LTBP1: variants seen among roughly 807,000 people sequenced by gnomAD.
The protein encoded by LTBP1 is latent transforming growth factor beta binding protein 1.
A neutral mutation model predicts 207.6 loss-of-function variants in LTBP1; 129 were observed. The ratio of observed to expected loss-of-function variants is 0.62; its 90% confidence interval spans 0.54 to 0.72. The LOEUF (loss-of-function observed/expected upper bound fraction) is 0.72. LTBP1 is among the 30% of genes least tolerant of loss of function. The pLI is 0.00. For missense variants in LTBP1, 2,281 were observed against 2,217.2 expected (o/e 1.03, Z -0.58); for synonymous variants, 963 against 833.7 (o/e 1.16, Z -2.67).
At chr2:33,242,677 GTTGTT>G (rs2092373359) in intron 9 of LTBP1, among the ~76,000 whole-genome samples, 1 of 122,034 alleles carries the variant, frequency 8.2e-6, no homozygotes. Context: ...TGCATTTTCA[GTTGTT>G]CTTAAAAAAA....
intron 5 of LTBP1, among the ~76,000 whole-genome samples, chr2:33,160,952 A>G (rs1359817059): frequency 1.3e-5 from 2 of 152,212 alleles, no homozygotes; most frequent in Non-Finnish European, 2.9e-5. Flanking sequence ...AGTTATCTCA[A>G]TGAAGACTGG....
chr2:33,103,632 T>TGTGTG lies in LTBP1; in HGVS notation c.864-6950_864-6949insGTGTG, dbSNP rs200334066. On this transcript the variant is annotated intron_variant, in intron 3 of 33. Transcript: ENST00000404816. ...GTGTGTGTGTGTGTGTGTGTGAGTG[T>TGTGTG]TATGCTGCCATGTGGCATCTTCCTA... Among the ~76,000 whole-genome samples the TGTGTG allele has an allele frequency of 2.6e-4, 39 of 149,462 alleles. 1 individual carries two copies. The highest frequency in any genetic ancestry group is 1.1e-3 in the South Asian group (5 of 4,714).
intron 3 of LTBP1, among the ~76,000 whole-genome samples, chr2:33,102,594 C>T (rs1056081661): frequency 4.6e-5 from 7 of 152,094 alleles, no homozygotes; most frequent in Non-Finnish European, 8.8e-5. Context: ...CTCATTTAGT[C>T]GAAGACAATT....
chr2:33,325,599 T>G (rs1404763430), intron 24 of LTBP1, among the ~76,000 whole-genome samples: 2 of 152,186 alleles, frequency 1.3e-5, no homozygotes, highest in Non-Finnish European at 2.9e-5. Context: ...TTATATATAA[T>G]TATGTAAAGA....
chr2:33,021,331 T>G (rs2075155764), intron 3 of LTBP1, 125 bp downstream of exon 3: 1 of 945,702 alleles, frequency 1.1e-6, no homozygotes, highest in African/African-American at 1.6e-5. Context: ...ATGTTTTTCT[T>G]TCCTTTCTTA....
intron 24 of LTBP1, among the ~76,000 whole-genome samples, chr2:33,325,951 A>T (rs1265761487): frequency 6.6e-6 from 1 of 152,006 alleles, no homozygotes; most frequent in Non-Finnish European, 1.5e-5. Context: ...TTTCTGTTTT[A>T]TAACACTGTC....
intron 24 of LTBP1, among the ~76,000 whole-genome samples, chr2:33,334,416 TG>T (rs1472092009): frequency 5.9e-5 from 9 of 152,322 alleles, no homozygotes; most frequent in African/African-American, 2.2e-4. Context: ...GAGATGAATT[TG>T]GGGTCTTTAA....
chr2:33,171,770 A>T (rs1167170221), intron 5 of LTBP1, among the ~76,000 whole-genome samples: 1 of 152,172 alleles, frequency 6.6e-6, no homozygotes, highest in African/African-American at 2.4e-5. Context: ...AGGTCGGGTT[A>T]CCCACAAAGG....
At chr2:33,005,885 C>T (rs1437988747) in intron 2 of LTBP1, among the ~76,000 whole-genome samples, 1 of 152,154 alleles carries the variant, frequency 6.6e-6, no homozygotes, top group Non-Finnish European at 1.5e-5. Flanking sequence ...CTGTGCCCGG[C>T]CGGCTCTGCC....
intron 7 of LTBP1, among the ~76,000 whole-genome samples, chr2:33,194,801 C>T (rs1447598949): frequency 6.6e-6 from 1 of 152,236 alleles, no homozygotes; most frequent in Admixed American, 6.5e-5. Context: ...TTAGGACTTT[C>T]ATAGCTAGAG....
intron 2 of LTBP1, among the ~76,000 whole-genome samples, chr2:32,992,758 T>C (rs1156699517): frequency 6.6e-6 from 1 of 152,022 alleles, no homozygotes; most frequent in Non-Finnish European, 1.5e-5. Flanking sequence ...TATTGCTGAA[T>C]GTGATAGGCC....
intron 3 of LTBP1, among the ~76,000 whole-genome samples, chr2:33,081,190 T>G (rs2078375756): frequency 6.6e-6 from 1 of 152,144 alleles, no homozygotes. Flanking sequence ...GAATGTTTCT[T>G]TCCTCTGGGT....
chr2:33,362,781 G>A (rs2094941352), intron 28 of LTBP1, among the ~76,000 whole-genome samples: 1 of 152,160 alleles, frequency 6.6e-6, no homozygotes, highest in Non-Finnish European at 1.5e-5. Flanking sequence ...TTATGCCAGA[G>A]CATATACCGA....
chr2:33,219,392 G>A (rs1050045700), intron 8 of LTBP1, among the ~76,000 whole-genome samples: 6 of 152,170 alleles, frequency 3.9e-5, no homozygotes, highest in Non-Finnish European at 8.8e-5. Flanking sequence ...CAAAGGGATA[G>A]CTATGATGCA....
intron 2 of LTBP1, among the ~76,000 whole-genome samples, chr2:33,013,546 A>G (rs1052499583): frequency 2.0e-5 from 3 of 152,028 alleles, no homozygotes; most frequent in Non-Finnish European, 4.4e-5. Context: ...TAAACTGTAG[A>G]TAGATATTTT....
intron 9 of LTBP1, among the ~76,000 whole-genome samples, chr2:33,240,738 C>T (rs189799802): frequency 1.1e-4 from 17 of 150,882 alleles, no homozygotes; most frequent in African/African-American, 3.9e-4. Flanking sequence ...CCAAGCTCCA[C>T]CTCTCAGGTT....
intron 5 of LTBP1, among the ~76,000 whole-genome samples, chr2:33,182,589 G>GA (rs1026157716): frequency 2.7e-5 from 4 of 149,992 alleles, no homozygotes; most frequent in Admixed American, 6.7e-5. Flanking sequence ...ACGAACCCAG[G>GA]AGGCGGAGCT....
intron 9 of LTBP1, among the ~76,000 whole-genome samples, chr2:33,232,825 T>C (rs1489022191): frequency 2.0e-5 from 3 of 152,150 alleles, no homozygotes; most frequent in African/African-American, 4.8e-5. Flanking sequence ...TCTGAAAATA[T>C]CTTTATTTTG....
chr2:32,971,543 G>C (rs921651572), intron 2 of LTBP1, among the ~76,000 whole-genome samples: 2 of 152,112 alleles, frequency 1.3e-5, no homozygotes, highest in African/African-American at 4.8e-5. Flanking sequence ...TGCATCTATT[G>C]AGATAATCAT....
Sources: gnomAD v4.1 joint callset for allele counts (sites outside exome capture counted in the v4.1 genomes callset) on GRCh38, gnomAD v4.1.1 for gene constraint, MANE v1.5 for transcripts, NCBI Gene and HGNC (gene_info 2026-07-23, HGNC 2026-07-21) for gene names.